RSU1: variants seen among roughly 807,000 people sequenced by gnomAD.
RSU1 encodes rsu-1.
RSU1 carries 26 observed loss-of-function variants against 31.1 expected under a neutral mutation model. That is an observed-to-expected ratio of 0.84 (90% CI 0.61 to 1.16). The LOEUF (loss-of-function observed/expected upper bound fraction) is 1.16. Among genes scored for constraint, RSU1 ranks in the 50% most tolerant of loss-of-function variants. RSU1 has a pLI of 0.00. For synonymous variants in RSU1, 164 were observed against 136.3 expected, an observed-to-expected ratio of 1.20 and a Z score of -1.41; for missense variants, 320 against 339.1, an observed-to-expected ratio of 0.94 and a Z score of 0.44.
chr10:16,762,886 G>A (rs954013532), intron 4 of RSU1, among the ~76,000 whole-genome samples: 2 of 151,786 alleles, frequency 1.3e-5, no homozygotes, highest in Non-Finnish European at 2.9e-5. Flanking sequence ...GGTGGCGCAC[G>A]CCTGTAGTCC....
intron 8 of RSU1, among the ~76,000 whole-genome samples, chr10:16,605,791 C>T (rs1024601794): frequency 1.3e-5 from 2 of 152,182 alleles, no homozygotes; most frequent in Admixed American, 6.6e-5. Flanking sequence ...CCTCAGTTGG[C>T]TGCAGGGTTT....
chr10:16,764,938 G>A (rs993663541), intron 3 of RSU1, among the ~76,000 whole-genome samples: 19 of 149,652 alleles, frequency 1.3e-4, no homozygotes, highest in African/African-American at 3.5e-4. Context: ...ATGCTTCTTC[G>A]TATATGATTA....
intron 8 of RSU1, among the ~76,000 whole-genome samples, chr10:16,617,267 C>A (rs541294438): frequency 6.6e-6 from 1 of 152,268 alleles, no homozygotes; most frequent in African/African-American, 2.4e-5. Context: ...ACCTAGGAAT[C>A]CACCTTACAA....
chr10:16,716,552 A>C (rs568865441), intron 7 of RSU1, among the ~76,000 whole-genome samples: 1 of 152,252 alleles, frequency 6.6e-6, no homozygotes, highest in Admixed American at 6.5e-5. Flanking sequence ...CCTTCCATAC[A>C]TGATATGAGC....
chr10:16,767,688 C>A (rs1381572507), intron 3 of RSU1, among the ~76,000 whole-genome samples: 1 of 151,976 alleles, frequency 6.6e-6, no homozygotes, highest in Admixed American at 6.6e-5. Context: ...ACTCTTTGAA[C>A]CAATATTTAG....
intron 8 of RSU1, among the ~76,000 whole-genome samples, chr10:16,685,337 G>T (rs1835421760): frequency 2.0e-5 from 3 of 152,172 alleles, no homozygotes; most frequent in Admixed American, 6.5e-5. Flanking sequence ...AGAATTCTTG[G>T]ATCTCACACA....
intron 7 of RSU1, among the ~76,000 whole-genome samples, chr10:16,704,280 G>T (rs1199215001): frequency 6.6e-6 from 1 of 152,172 alleles, no homozygotes; most frequent in East Asian, 1.9e-4. Context: ...CCATGTACCA[G>T]GTGTCATTTC....
intron 4 of RSU1, 116 bp from the exon 5 acceptor site, chr10:16,755,105 T>A (rs953520324): frequency 1.9e-5 from 11 of 593,740 alleles, no homozygotes; most frequent in Non-Finnish European, 3.0e-5. Context: ...GATCCTAGAG[T>A]CACTTTATAC....
intron 3 of RSU1, among the ~76,000 whole-genome samples, chr10:16,769,507 G>T (rs1837380388): frequency 1.3e-5 from 2 of 152,202 alleles, no homozygotes; most frequent in Non-Finnish European, 2.9e-5. Flanking sequence ...CCTACCCGAT[G>T]GCAGTGGGTC....
intron 3 of RSU1, among the ~76,000 whole-genome samples, chr10:16,766,704 C>A (rs1963946): frequency 0.41 from 61,026 of 150,190 alleles, 16,229 homozygotes; most frequent in African/African-American, 0.76. Context: ...GACAAGAGTA[C>A]AACTCTATCT....
At chr10:16,616,795 G>C (rs990330899) in intron 8 of RSU1, among the ~76,000 whole-genome samples, 8 of 152,140 alleles carry the variant, frequency 5.3e-5, no homozygotes, top group Admixed American at 5.2e-4. Flanking sequence ...ATGCAGAAAA[G>C]GCCTTTGATA....
intron 2 of RSU1, among the ~76,000 whole-genome samples, chr10:16,794,227 A>G (rs1204867786): frequency 6.6e-6 from 1 of 152,138 alleles, no homozygotes; most frequent in Non-Finnish European, 1.5e-5. Context: ...AGCCTCCATA[A>G]TCACCTGGGC....
At chr10:16,732,242 A>C (rs1836528155) in intron 7 of RSU1, among the ~76,000 whole-genome samples, 1 of 152,194 alleles carries the variant, frequency 6.6e-6, no homozygotes, top group African/African-American at 2.4e-5. Flanking sequence ...ATTTTCTCTT[A>C]CCATTGTTGA....
chr10:16,735,113 C>A (rs990663578), intron 7 of RSU1, among the ~76,000 whole-genome samples: 1 of 152,356 alleles, frequency 6.6e-6, no homozygotes, highest in South Asian at 2.1e-4. Context: ...GTCACCCAGT[C>A]TTTGGCACTT....
chr10:16,609,117 G>A (rs955784794), intron 8 of RSU1, among the ~76,000 whole-genome samples: 8 of 152,066 alleles, frequency 5.3e-5, no homozygotes, highest in African/African-American at 1.9e-4. Flanking sequence ...AGACCTTCTG[G>A]GATTACAGGT....
intron 7 of RSU1, among the ~76,000 whole-genome samples, chr10:16,699,590 C>T (rs982165162): frequency 6.6e-6 from 1 of 152,224 alleles, no homozygotes; most frequent in African/African-American, 2.4e-5. Context: ...GTTAGGAGCC[C>T]TCACCCATCC....
At chr10:16,615,218 AG>A (rs1833955558) in intron 8 of RSU1, among the ~76,000 whole-genome samples, 1 of 152,158 alleles carries the variant, frequency 6.6e-6, no homozygotes, top group African/African-American at 2.4e-5. Flanking sequence ...GAAAAAAAAA[AG>A]CAGGGGTTGC....
rs1259285119 is a variant in RSU1, at chr10:16,675,473, G to A, written c.731+19550C>T. 2.0e-5 allele frequency among the ~76,000 whole-genome samples: 3 copies of A among 152,042 alleles called. No individual in the cohort carries two copies. The East Asian group carries it at 5.8e-4, about 29-fold the overall frequency. On this transcript the variant is annotated intron_variant, in intron 8 of 8. Coordinates refer to ENST00000345264, the MANE Select transcript of RSU1 (RefSeq NM_012425.4). ...GGTCGCTGTTTCTTTTTCTTTTCAG[G>A]CAGGTATTGCTCTGTGGACAGTAAC...
rs116063076 is a variant in RSU1 at position 16,630,657 on chromosome 10, C to T, written c.732-37161G>A. Among the ~76,000 whole-genome samples, 752 of 152,328 alleles carry T rather than the reference C, an allele frequency of 4.9e-3. 3 individuals carry two copies. Among genetic ancestry groups the T allele is most frequent in the African/African-American group, 0.016 (671 of 41,580 alleles). On this transcript the variant is annotated intron_variant, in intron 8 of 8. Coordinates refer to ENST00000345264, the MANE Select transcript of RSU1 (RefSeq NM_012425.4). ...CAGCTTTGTTCACACCATGACCCCA[C>T]GCTACAGGTGCGTTTCATGATTCCT... is the stretch of plus-strand genomic sequence containing the variant.
Sources: allele counts gnomAD v4.1 joint callset (sites outside exome capture counted in the v4.1 genomes callset), GRCh38; gene constraint gnomAD v4.1.1; transcripts MANE v1.5; gene names NCBI Gene and HGNC (gene_info 2026-07-23, HGNC 2026-07-21).